Variants in INPP5E observed in about 807,000 individuals in gnomAD.
INPP5E encodes inositol polyphosphate-5-phosphatase E.
A neutral mutation model predicts 50.5 loss-of-function variants in INPP5E; 34 were observed. That is an observed-to-expected ratio of 0.67 (90% CI 0.51 to 0.90). The LOEUF is 0.90. INPP5E is among the 40% of genes least tolerant of loss of function. The pLI, the probability that INPP5E is intolerant of heterozygous loss-of-function variation, is 0.00. For synonymous variants in INPP5E, 447 were observed against 406.0 expected (o/e 1.10, Z -1.21); for missense variants, 942 against 905.5 (o/e 1.04, Z -0.52).
Position 136,431,873 on chromosome 9 carries a change from G to A in INPP5E, c.1500C>T (p.Asp500=), listed in dbSNP as rs372142221. The change falls in exon 7 of 10, where the codon GAC becomes GAT. Residue 500 remains aspartate, a synonymous_variant. Transcript: ENST00000371712. Reference sequence around the variant, plus strand: ...GGTCGTGCTGCAGCAGCGCCGGCACGTCCACCACCAGGCCCTGGCACAGGA... The same window carrying A: ...GGTCGTGCTGCAGCAGCGCCGGCACATCCACCACCAGGCCCTGGCACAGGA... ...DALLCQGLVV[D]VPALLQHDQL... 75 of 1,608,556 alleles carry A rather than the reference G, an allele frequency of 4.7e-5. No homozygotes were observed. The highest frequency in any genetic ancestry group is 6.8e-5 in the African/African-American group (5 of 73,446).
rs1835651773 is a variant in INPP5E, at chr9:136,429,630, T to C, written c.*45A>G. The C allele has an allele frequency of 1.2e-6, 2 of 1,610,946 alleles. No individual in the cohort carries two copies. ...GTCCTTCCCAGTGGGTTTTGATCAA[T>C]ACAATCACCCCACGTTGCAGCTGTG... On this transcript the variant is annotated 3_prime_UTR_variant, in exon 10 of 10. Coordinates refer to ENST00000371712, the MANE Select transcript of INPP5E (RefSeq NM_019892.6).
chr9:136,430,144 C>G, intron 9 of INPP5E, 133 bp downstream of exon 9: 3 of 1,212,822 alleles, frequency 2.5e-6, no homozygotes, highest in Non-Finnish European at 3.5e-6. Flanking sequence ...CAACCGATCC[C>G]GGGGAACACA....
chr9:136,435,826 A>C (rs968482078), intron 1 of INPP5E: 4 of 152,258 alleles, frequency 2.6e-5, no homozygotes. Flanking sequence ...CTTGATTTAC[A>C]GACACTGAAA....
chr9:136,430,992 C>T lies in INPP5E; in HGVS notation c.1665+10G>A. ...AAGCACTCTGCACCGCAGCGGTGGG[C>T]AGGCCTCACCGTGTATGAGGGCGTC... is the stretch of plus-strand genomic sequence containing the variant. On this transcript the variant is annotated intron_variant, in intron 8 of 9. Coordinates refer to ENST00000371712, the MANE Select transcript of INPP5E (RefSeq NM_019892.6). The T allele has an allele frequency of 6.4e-7, 1 of 1,563,168 alleles. No individual in the cohort carries two copies. Among genetic ancestry groups the T allele is most frequent in the South Asian group, 1.1e-5 (1 of 90,036 alleles).
Position 136,434,749 on chromosome 9 carries a change from C to T in INPP5E, c.927G>A (p.Gln309=), listed in dbSNP as rs776017599. 3.1e-6 allele frequency: 5 copies of T among 1,611,114 alleles called. No homozygotes were observed. The highest frequency in any genetic ancestry group is 4.2e-6 in the Non-Finnish European group (5 of 1,179,500). ...ACCCACAGCCACTCACCTTCTGGCC[C>T]TGCATGTTCCAGGTGGCCACGAAGA... The part of the protein sequence containing the change: ...VALFVATWNM[Q]GQKELPPSLD... The change falls in exon 2 of 10, where the codon CAG becomes CAA. Residue 309 remains glutamine (Q), a synonymous_variant. Transcript: ENST00000371712.
Position 136,429,604 on chromosome 9 carries a change from T to A in INPP5E, c.*71A>T. 5.0e-6 allele frequency: 8 copies of A among 1,592,318 alleles called. No individual in the cohort carries two copies. The highest frequency in any genetic ancestry group is 5.1e-6 in the Non-Finnish European group (6 of 1,166,488). The stretch of plus-strand genomic sequence containing the variant: ...GATCCCCGAAAGGCGGCAAACTCTT[T>A]GTCCTTCCCAGTGGGTTTTGATCAA... On this transcript the variant is annotated 3_prime_UTR_variant, in exon 10 of 10. Coordinates refer to ENST00000371712, the MANE Select transcript of INPP5E (RefSeq NM_019892.6).
At position 136,430,315 on chromosome 9, in the gene INPP5E, A is replaced by C. The variant is rs1364697270; in HGVS notation, c.1764T>G (p.Tyr588Ter). 6.4e-7 allele frequency: 1 copy of C among 1,551,864 alleles called. No individual in the cohort carries two copies. The highest frequency in any genetic ancestry group is 8.7e-7 in the Non-Finnish European group (1 of 1,147,130). The change falls in exon 9 of 10, where the codon TAT (tyrosine) becomes TAG (stop). Residue 588 changes from tyrosine (Y) to a stop codon, truncating the protein, a stop_gained. Transcript: ENST00000371712. LOFTEE classifies it high-confidence loss of function. ...GIKTSDHRPVYGLFRVKVRPG... is the reference protein window; with the variant it reads ...GIKTSDHRPV ...GCCTCACTTTCACCCGGAAGAGGCC[A>C]TACACAGGGCGGTGGTCGGACGTCT... is the stretch of plus-strand genomic sequence containing the variant.
Position 136,439,066 on chromosome 9 carries a change from G to C in INPP5E, c.354C>G (p.Ser118Arg). Residue 118 changes from serine (S) to arginine (R), a missense_variant, in exon 1 of 10, where the codon AGC (serine) becomes AGG (arginine). Physicochemically the swap from Ser to Arg is moderately radical, Grantham distance 110 (BLOSUM62 -1). Transcript: ENST00000371712. ...TGTGGGCGGGGGCCCCGGGGCCCTC[G>C]CTCTGCACTGAGCCCCTGGAGGGAC... ...GTSPSRGSVQ[S>R]EGPGAPAHSC... The C allele has an allele frequency of 6.4e-7, 1 of 1,567,232 alleles. No homozygotes were observed. Among genetic ancestry groups the C allele is most frequent in the African/African-American group, 1.3e-5 (1 of 74,132 alleles).
chr9:136,435,081 C>T (rs1193491607), intron 1 of INPP5E, among the ~76,000 whole-genome samples: 1 of 152,244 alleles, frequency 6.6e-6, no homozygotes, highest in Non-Finnish European at 1.5e-5. Flanking sequence ...TTCACACCCC[C>T]TCCCTACCTC....
chr9:136,429,539 TG>T lies in INPP5E; in HGVS notation c.*135del, dbSNP rs1835649797. 3 of 1,202,388 alleles carry T rather than the reference TG, an allele frequency of 2.5e-6. No individual in the cohort carries two copies. The highest frequency in any genetic ancestry group is 3.7e-6 in the Non-Finnish European group (3 of 819,876). 74.5% of individuals were successfully genotyped at this position (1,202,388 alleles called of 1,614,324 possible). A position where few individuals can be genotyped will look rare whatever the true frequency, so the allele number is the denominator to read the frequency against. ...GCTCGCTCAGGGTTGGCTTCCTTCC[TG>T]GGACGCTGGCACAGAGGCACGGTCG... On this transcript the variant is annotated 3_prime_UTR_variant, in exon 10 of 10. Transcript: ENST00000371712.
intron 1 of INPP5E, 133 bp downstream of exon 1, chr9:136,438,475 G>A: frequency 2.4e-6 from 2 of 821,024 alleles, no homozygotes; most frequent in African/African-American, 1.7e-5. Context: ...TGGGGTGGCT[G>A]CGGGAGACCC....
In INPP5E at chr9:136,429,811, T is replaced by TGGA. The variant is rs749045132; in HGVS notation, c.1803-7_1803-5dup. 2 of 1,537,570 alleles carry TGGA rather than the reference T, an allele frequency of 1.3e-6. No individual in the cohort carries two copies. ...TTTGCCAGCTGCCAACGGAATGCTG[T>TGGA]GGAGGAGGAGGGGGCGTTAGGAGGG... On this transcript the variant is annotated splice_region_variant and splice_polypyrimidine_tract_variant and intron_variant, in intron 9 of 9. Transcript: ENST00000371712.
intron 8 of INPP5E, 22 bp downstream of exon 8, chr9:136,430,980 C>G: frequency 2.6e-6 from 4 of 1,516,228 alleles, no homozygotes; most frequent in Non-Finnish European, 3.7e-6. Context: ...CACTCTGCAC[C>G]GCAGCGGTGG....
Position 136,438,653 on chromosome 9 carries a change from G to T in INPP5E, c.767C>A (p.Ser256Tyr). The T allele has an allele frequency of 6.3e-7, 1 of 1,583,530 alleles. No homozygotes were observed. The highest frequency in any genetic ancestry group is 1.3e-5 in the African/African-American group (1 of 74,458). The change falls in exon 1 of 10, where the codon TCC (serine) becomes TAC (tyrosine). Residue 256 changes from serine to tyrosine, a missense_variant. Ser to Tyr is a moderately radical substitution (Grantham distance 144, BLOSUM62 -2). Coordinates refer to ENST00000371712, the MANE Select transcript of INPP5E (RefSeq NM_019892.6). ...GCGGATGGGCGCCAGGAGGCTGAAG[G>T]AGGATTTGGCCGAGCGAAGGGAACA... is the stretch of plus-strand genomic sequence containing the variant. ...DDCSLRSAKS[S>Y]FSLLAPIRSK...
chr9:136,439,430 T>C lies in INPP5E; in HGVS notation c.-11A>G, dbSNP rs773201167. 34 of 1,450,856 alleles carry C rather than the reference T, an allele frequency of 2.3e-5. 1 individual carries two copies. In the Admixed American group the frequency reaches 5.1e-4, roughly 22 times the overall value. 89.9% of individuals were successfully genotyped at this position (1,450,856 alleles called of 1,614,324 possible). A position where few individuals can be genotyped will look rare whatever the true frequency, so the allele number is the denominator to read the frequency against. ...CGCCTTGGACGGCATGGACGGTCTC[T>C]CCCGGGGCAGGCCTCGGCGCGAGGC... is the stretch of plus-strand genomic sequence containing the variant. On this transcript the variant is annotated 5_prime_UTR_variant, in exon 1 of 10. Coordinates refer to ENST00000371712, the MANE Select transcript of INPP5E (RefSeq NM_019892.6).
chr9:136,430,219 A>G, intron 9 of INPP5E, 58 bp downstream of exon 9: 5 of 1,547,216 alleles, frequency 3.2e-6, no homozygotes, highest in Non-Finnish European at 4.4e-6. Flanking sequence ...CTCTTAGCTC[A>G]TGGGACGACG....
At chr9:136,431,154 G>T (rs1164531586) in intron 7 of INPP5E, 37 bp from the exon 8 acceptor site, 5 of 1,395,498 alleles carry the variant, frequency 3.6e-6, no homozygotes, top group Non-Finnish European at 5.1e-6. Flanking sequence ...GCTCAGACCA[G>T]CTTGTGCCAG....
In INPP5E at chr9:136,431,959, C is replaced by T; in HGVS notation, c.1414G>A (p.Val472Met). 6.2e-7 allele frequency: 1 copy of T among 1,612,452 alleles called. No individual in the cohort carries two copies. Among genetic ancestry groups the T allele is most frequent in the East Asian group, 2.2e-5 (1 of 44,784 alleles). The change falls in exon 7 of 10, where the codon GTG (valine) becomes ATG (methionine). Residue 472 changes from valine (V) to methionine (M), a missense_variant. Coordinates refer to ENST00000371712, the MANE Select transcript of INPP5E (RefSeq NM_019892.6). Reference protein sequence around the residue: ...AADVTTRFDEVFWFGDFNFRL... With the variant: ...AADVTTRFDEMFWFGDFNFRL... ...AAGTTGAAGTCTCCAAACCAGAACACCTCATCGAAGCGGGTGGTGACGTCC... is the reference window on the plus strand; with the variant it reads ...AAGTTGAAGTCTCCAAACCAGAACATCTCATCGAAGCGGGTGGTGACGTCC...
At chr9:136,431,193 T>C (rs1835691327) in intron 7 of INPP5E, 76 bp from the exon 8 acceptor site, 1 of 873,736 alleles carries the variant, frequency 1.1e-6, no homozygotes, top group South Asian at 1.4e-5. Context: ...TCACCTCTCC[T>C]CATCTCCCAC....
Sources: allele counts gnomAD v4.1 joint callset (sites outside exome capture counted in the v4.1 genomes callset), GRCh38; gene constraint gnomAD v4.1.1; transcripts MANE v1.5; gene names NCBI Gene and HGNC (gene_info 2026-07-23, HGNC 2026-07-21).